Variants in DDX19A observed in about 807,000 individuals in gnomAD.
The protein encoded by DDX19A is ATP-dependent RNA helicase DDX19A.
Under a neutral mutation model 60.6 loss-of-function variants are expected in DDX19A, and 12 were observed. That is an observed-to-expected ratio of 0.20 (90% CI 0.13 to 0.32). DDX19A has a LOEUF of 0.32. Among genes scored for constraint, DDX19A ranks in the 10% least tolerant of loss-of-function variants. DDX19A has a pLI of 1.00. For missense variants in DDX19A, 337 were observed against 600.6 expected (o/e 0.56, Z 4.59); for synonymous variants, 206 against 218.2 (o/e 0.94, Z 0.49).
intron 1 of DDX19A, among the ~76,000 whole-genome samples, chr16:70,348,222 A>G (rs1382262089): frequency 6.6e-6 from 1 of 152,072 alleles, no homozygotes; most frequent in Non-Finnish European, 1.5e-5. Context: ...ATAATAAAGG[A>G]GAGAAGGGAG....
Position 70,370,255 on chromosome 16 carries a change from G to A in DDX19A, c.1053G>A (p.Glu351=). Residue 351 remains glutamate, a synonymous_variant, in exon 10 of 12, where the codon GAG becomes GAA. Transcript: ENST00000302243. ...TRKTASWLAA[E]LSKEGHQVAL... ...AAACAGCTAGTTGGCTGGCAGCAGAGCTCTCAAAAGAAGGCCACCAGGTGG... is the reference window on the plus strand; with the variant it reads ...AAACAGCTAGTTGGCTGGCAGCAGAACTCTCAAAAGAAGGCCACCAGGTGG... 1 of 1,614,002 alleles carries A rather than the reference G, an allele frequency of 6.2e-7. No individual in the cohort carries two copies. The highest frequency in any genetic ancestry group is 8.5e-7 in the Non-Finnish European group (1 of 1,179,972).
chr16:70,353,261 C>A (rs1567649848), intron 2 of DDX19A, among the ~76,000 whole-genome samples: 1 of 151,794 alleles, frequency 6.6e-6, no homozygotes, highest in Non-Finnish European at 1.5e-5. Flanking sequence ...ATTACAGGTG[C>A]CTGCCTTGCA....
chr16:70,364,238 A>C, intron 5 of DDX19A: 1 of 290,452 alleles, frequency 3.4e-6, no homozygotes, highest in Non-Finnish European at 6.6e-6. Flanking sequence ...CACAGATCTT[A>C]CTCTGCACAC....
At chr16:70,370,550 G>T (rs1964653583) in intron 10 of DDX19A, 165 bp downstream of exon 10, 2 of 1,194,894 alleles carry the variant, frequency 1.7e-6, no homozygotes, top group Non-Finnish European at 2.2e-6. Context: ...CCCTGAGGTG[G>T]TAAGAACTCA....
chr16:70,350,542 T>G lies in DDX19A; in HGVS notation c.58-15T>G, dbSNP rs368523688. 5.6e-6 allele frequency: 9 copies of G among 1,605,066 alleles called. No individual in the cohort carries two copies. Among genetic ancestry groups the G allele is most frequent in the Non-Finnish European group, 7.7e-6 (9 of 1,175,952 alleles). The stretch of plus-strand genomic sequence containing the variant: ...GGTCCTTTGCTTAACTCTGTTTTCT[T>G]TTATTTCTATTCAGATGACCAATTT... On this transcript the variant is annotated splice_polypyrimidine_tract_variant and intron_variant, in intron 1 of 11. Transcript: ENST00000302243.
chr16:70,350,151 G>T (rs559037032), intron 1 of DDX19A, among the ~76,000 whole-genome samples: 11 of 152,188 alleles, frequency 7.2e-5, no homozygotes, highest in Non-Finnish European at 1.5e-4. Flanking sequence ...TACTAGGGAG[G>T]CTGAGGTGGG....
chr16:70,368,913 C>T (rs1412271339), intron 9 of DDX19A, among the ~76,000 whole-genome samples: 2 of 152,160 alleles, frequency 1.3e-5, no homozygotes, highest in African/African-American at 4.8e-5. Context: ...GTTGCCCAGG[C>T]TGGAGTGCAG....
chr16:70,350,093 C>T (rs934764906), intron 1 of DDX19A, among the ~76,000 whole-genome samples: 2 of 151,920 alleles, frequency 1.3e-5, no homozygotes, highest in Non-Finnish European at 2.9e-5. Flanking sequence ...CCCAGGAGTT[C>T]GAGTTTGAGT....
At chr16:70,358,830 G>A (rs772947524) in intron 4 of DDX19A, among the ~76,000 whole-genome samples, 11 of 152,138 alleles carry the variant, frequency 7.2e-5, no homozygotes, top group Admixed American at 6.6e-4. Flanking sequence ...CAGCCTGGGA[G>A]ATAAAAGCGA....
chr16:70,353,914 A>AC (rs1964106495), intron 2 of DDX19A, among the ~76,000 whole-genome samples: 2 of 151,606 alleles, frequency 1.3e-5, no homozygotes, highest in African/African-American at 4.9e-5. Flanking sequence ...AAAAAAAAAA[A>AC]AAAACACAGG....
chr16:70,356,065 G>A (rs772514164), intron 3 of DDX19A, 47 bp from the exon 4 acceptor site: 25 of 1,610,112 alleles, frequency 1.6e-5, no homozygotes, highest in Middle Eastern at 2.2e-4. Context: ...TCATAAGCCT[G>A]GGGTTTGCCA....
chr16:70,366,666 C>T lies in DDX19A; in HGVS notation c.825C>T (p.Thr275=), dbSNP rs1476007065. The change falls in exon 9 of 12, where the codon ACC becomes ACT. Residue 275 remains threonine (T), a synonymous_variant. Transcript: ENST00000302243. The part of the protein sequence containing the change: ...RNCQMLLFSA[T]FEDSVWKFAQ... ...GCCAGATGCTGCTTTTCTCCGCCAC[C>T]TTTGAAGACTCTGTGTGGAAGTTTG... The T allele has an allele frequency of 6.2e-7, 1 of 1,614,216 alleles. No individual in the cohort carries two copies. The highest frequency in any genetic ancestry group is 8.5e-7 in the Non-Finnish European group (1 of 1,180,046).
In DDX19A at chr16:70,365,108, C is replaced by T. The variant is rs1964478889; in HGVS notation, c.581C>T (p.Ala194Val). The T allele has an allele frequency of 6.2e-7, 1 of 1,613,654 alleles. No homozygotes were observed. Among genetic ancestry groups the T allele is most frequent in the Non-Finnish European group, 8.5e-7 (1 of 1,179,592 alleles). ...MGKFYPELKLAYAVRGNKLER... is the reference protein window; with the variant it reads ...MGKFYPELKLVYAVRGNKLER... ...AAATTTTACCCAGAACTGAAGCTTG[C>T]CTATGCCGTTCGAGGCAATAAATGT... The change falls in exon 7 of 12, where the codon GCC becomes GTC. Residue 194 changes from alanine (A) to valine (V), a missense_variant. Coordinates refer to ENST00000302243, the MANE Select transcript of DDX19A (RefSeq NM_018332.5).
chr16:70,367,625 C>T (rs780265719), intron 9 of DDX19A, among the ~76,000 whole-genome samples: 6 of 152,132 alleles, frequency 3.9e-5, no homozygotes, highest in Non-Finnish European at 7.3e-5. Context: ...TGCCTGTAAT[C>T]CCAGCACTTT....
Position 70,362,013 on chromosome 16 carries a change from C to CA in DDX19A, c.386+516dup, listed in dbSNP as rs1423444682. On this transcript the variant is annotated intron_variant, in intron 5 of 11. Transcript: ENST00000302243. ...TGGTGAAACCCCGTCTTACTAAAAT[C>CA]AAAAAAAAAAAAATATCCAGGCCTG... 6.4e-3 allele frequency among the ~76,000 whole-genome samples: 957 copies of CA among 149,712 alleles called. 3 individuals are homozygous for CA. The highest frequency in any genetic ancestry group is 0.016 in the South Asian group (78 of 4,746).
At chr16:70,371,676 C>T in intron 11 of DDX19A, 113 bp downstream of exon 11, 1 of 744,552 alleles carries the variant, frequency 1.3e-6, no homozygotes, top group Non-Finnish European at 2.2e-6. Context: ...AGCACACTCC[C>T]CTCCTTTCTG....
At chr16:70,360,321 C>CTTTCTTT (rs1555552997) in intron 4 of DDX19A, among the ~76,000 whole-genome samples, 2 of 133,486 alleles carry the variant, frequency 1.5e-5, no homozygotes, top group African/African-American at 2.7e-5. Context: ...TTCTTTCTTT[C>CTTTCTTT]TTTTTTTTTT....
chr16:70,357,366 G>GTTTTTTGTTTTTTTTT (rs1964237439), intron 4 of DDX19A, among the ~76,000 whole-genome samples: 1 of 44,596 alleles, frequency 2.2e-5, no homozygotes, highest in Admixed American at 3.3e-4. Context: ...TTTTTGGTTT[G>GTTTTTTGTTTTTTTTT]TTTTTTTTTT....
intron 5 of DDX19A, among the ~76,000 whole-genome samples, chr16:70,362,206 A>G (rs867968947): frequency 2.7e-5 from 4 of 148,960 alleles, no homozygotes; most frequent in East Asian, 4.0e-4. Flanking sequence ...AAATACAACA[A>G]TTAGCCTGGC....
Sources: allele counts gnomAD v4.1 joint callset (sites outside exome capture counted in the v4.1 genomes callset), GRCh38; gene constraint gnomAD v4.1.1; transcripts MANE v1.5; gene names NCBI Gene and HGNC (gene_info 2026-07-23, HGNC 2026-07-21).